Variants in PLCH1 observed in about 807,000 individuals in gnomAD.
PLCH1 encodes phospholipase C eta 1, also known as 1-phosphatidylinositol 4,5-bisphosphate phosphodiesterase eta-1.
In PLCH1, 60 loss-of-function variants were observed where a neutral mutation model predicts 126.7. That is an observed-to-expected ratio of 0.47 (90% CI 0.38 to 0.59). PLCH1 has a LOEUF of 0.59. Ranked by LOEUF, PLCH1 falls within the 20% of genes least tolerant of loss-of-function variation. The probability of loss-of-function intolerance (pLI) is 0.00; values close to 1 mark genes in which losing one functional copy is unlikely to be tolerated. For synonymous variants in PLCH1, 719 were observed against 734.9 expected (o/e 0.98, Z 0.35); for missense variants, 1,723 against 2,040.0 (o/e 0.84, Z 2.99).
intron 13 of PLCH1, among the ~76,000 whole-genome samples, chr3:155,502,912 C>T (rs570529772): frequency 2.0e-5 from 3 of 152,250 alleles, no homozygotes; most frequent in Non-Finnish European, 2.9e-5. Context: ...ATCTCACTGA[C>T]GGGCAGGAAA....
intron 10 of PLCH1, among the ~76,000 whole-genome samples, chr3:155,547,553 C>G (rs973471743): frequency 5.5e-4 from 84 of 151,782 alleles, no homozygotes; most frequent in African/African-American, 1.4e-3. Flanking sequence ...TATACCCAAA[C>G]GACTATAAAT....
At chr3:155,665,663 A>C (rs1742645766) in intron 2 of PLCH1, among the ~76,000 whole-genome samples, 1 of 152,198 alleles carries the variant, frequency 6.6e-6, no homozygotes. Flanking sequence ...CTAGAGTCTG[A>C]TCAGCCCCGG....
intron 2 of PLCH1, among the ~76,000 whole-genome samples, chr3:155,638,226 A>C (rs1217726867): frequency 6.6e-6 from 1 of 152,220 alleles, no homozygotes; most frequent in African/African-American, 2.4e-5. Context: ...AATATTCAAC[A>C]AATTGGTTTA....
intron 1 of PLCH1, among the ~76,000 whole-genome samples, chr3:155,712,087 T>C (rs1269880481): frequency 6.6e-6 from 1 of 152,234 alleles, no homozygotes; most frequent in African/African-American, 2.4e-5. Flanking sequence ...TTGGGTTTTC[T>C]GTCACTTGCA....
chr3:155,603,325 G>A (rs1733975237), intron 2 of PLCH1, among the ~76,000 whole-genome samples: 1 of 152,170 alleles, frequency 6.6e-6, no homozygotes, highest in South Asian at 2.1e-4. Flanking sequence ...AAATGATGCA[G>A]GTAATGTTTG....
At chr3:155,530,990 A>G (rs1280622322) in intron 10 of PLCH1, among the ~76,000 whole-genome samples, 2 of 152,220 alleles carry the variant, frequency 1.3e-5, no homozygotes. Flanking sequence ...TGCATTGTCA[A>G]TGAGCAGTAA....
At chr3:155,614,319 A>G (rs1441671983) in intron 2 of PLCH1, among the ~76,000 whole-genome samples, 2 of 152,216 alleles carry the variant, frequency 1.3e-5, no homozygotes, top group Non-Finnish European at 2.9e-5. Context: ...ATGGAACCAA[A>G]AAAGAGCCCA....
intron 2 of PLCH1, among the ~76,000 whole-genome samples, chr3:155,659,150 TG>T (rs1741789676): frequency 6.6e-6 from 1 of 151,926 alleles, no homozygotes; most frequent in Non-Finnish European, 1.5e-5. Context: ...CAAGAAGCAA[TG>T]GGGCTGAAGG....
intron 2 of PLCH1, among the ~76,000 whole-genome samples, chr3:155,697,664 C>T (rs564954516): frequency 1.3e-5 from 2 of 152,214 alleles, no homozygotes; most frequent in South Asian, 4.2e-4. Context: ...TGAAGAAATA[C>T]GGAGAGAAGA....
intron 6 of PLCH1, among the ~76,000 whole-genome samples, chr3:155,572,988 T>C (rs1421220591): frequency 1.3e-5 from 2 of 152,158 alleles, no homozygotes; most frequent in Non-Finnish European, 2.9e-5. Context: ...CCTCAAGCAA[T>C]CTTCCCACCT....
chr3:155,586,756 C>T (rs1245705150), intron 4 of PLCH1, among the ~76,000 whole-genome samples: 1 of 152,080 alleles, frequency 6.6e-6, no homozygotes, highest in African/African-American at 2.4e-5. Flanking sequence ...AGAGTTAAAC[C>T]AAATTATTTT....
chr3:155,456,484 C>T (rs554766884), intron 21 of PLCH1, among the ~76,000 whole-genome samples: 1 of 152,198 alleles, frequency 6.6e-6, no homozygotes, highest in Non-Finnish European at 1.5e-5. Flanking sequence ...ATCCTCTTTT[C>T]TGCTCTATTT....
intron 20 of PLCH1, 69 bp downstream of exon 20, chr3:155,488,591 A>T (rs895626222): frequency 1.6e-6 from 2 of 1,268,164 alleles, no homozygotes; most frequent in East Asian, 4.7e-5. Flanking sequence ...TAAGTAACAT[A>T]TCATATATTA....
At chr3:155,470,295 C>A (rs1160123312) in intron 21 of PLCH1, among the ~76,000 whole-genome samples, 6 of 152,058 alleles carry the variant, frequency 3.9e-5, no homozygotes, top group Non-Finnish European at 7.4e-5. Context: ...GCCTTAGGAG[C>A]CGATGCGATC....
At chr3:155,570,158 G>A (rs550370768) in intron 6 of PLCH1, among the ~76,000 whole-genome samples, 4 of 152,122 alleles carry the variant, frequency 2.6e-5, no homozygotes, top group South Asian at 2.1e-4. Context: ...AGAGTCAATC[G>A]ACTCCCAACC....
intron 4 of PLCH1, among the ~76,000 whole-genome samples, chr3:155,591,394 G>T (rs2108631960): frequency 6.6e-6 from 1 of 152,294 alleles, no homozygotes; most frequent in Admixed American, 6.5e-5. Flanking sequence ...CCATAAACAT[G>T]AGGTTCCCCC....
At chr3:155,666,893 GGTGTGTGT>G (rs3220185) in intron 2 of PLCH1, among the ~76,000 whole-genome samples, 272 of 148,764 alleles carry the variant, frequency 1.8e-3, no homozygotes, top group Non-Finnish European at 2.0e-3. Context: ...ACACAGATGA[GGTGTGTGT>G]GTGTGTGTGT....
At chr3:155,655,130 A>G (rs1434638193) in intron 2 of PLCH1, among the ~76,000 whole-genome samples, 1 of 152,122 alleles carries the variant, frequency 6.6e-6, no homozygotes, top group African/African-American at 2.4e-5. Flanking sequence ...GTCTTCTTGG[A>G]TTCTTCTACC....
rs145388898 is a variant in PLCH1 at position 155,539,846 on chromosome 3, A to G, written c.1362+9941T>C. 8.7e-4 allele frequency among the ~76,000 whole-genome samples: 132 copies of G among 152,294 alleles called. 1 individual carries two copies. The highest frequency in any genetic ancestry group is 3.0e-3 in the African/African-American group (123 of 41,564). On this transcript the variant is annotated intron_variant, in intron 10 of 22. Coordinates refer to ENST00000460012, the MANE Select transcript of PLCH1 (RefSeq NM_014996.4). ...AATCTATAAATTCTATGTAATCCCT[A>G]TCAAAATACCATCATCATTCCTCAC...
Sources: gnomAD v4.1 joint callset for allele counts (sites outside exome capture counted in the v4.1 genomes callset) on GRCh38, gnomAD v4.1.1 for gene constraint, MANE v1.5 for transcripts, NCBI Gene and HGNC (gene_info 2026-07-23, HGNC 2026-07-21) for gene names.